IQSEC3: variants seen among roughly 807,000 people sequenced by gnomAD.
IQSEC3 encodes IQ motif and Sec7 domain ArfGEF 3, also known as IQ motif and SEC7 domain-containing protein 3.
A neutral mutation model predicts 105.4 loss-of-function variants in IQSEC3; 50 were observed. The observed-to-expected ratio is 0.47, with a 90% confidence interval of 0.38 to 0.60. The LOEUF is 0.60. Ranked by LOEUF, IQSEC3 falls within the 20% of genes least tolerant of loss-of-function variation. The pLI is 0.00. For synonymous variants in IQSEC3, 708 were observed against 746.0 expected (o/e 0.95, Z 0.83); for missense variants, 1,415 against 1,630.0 (o/e 0.87, Z 2.27).
intron 1 of IQSEC3, among the ~76,000 whole-genome samples, chr12:85,888 T>C (rs1863901228): frequency 2.6e-5 from 4 of 152,226 alleles, no homozygotes; most frequent in Non-Finnish European, 5.9e-5. Context: ...TTTCCAGGCA[T>C]GTGCATGTTT....
At chr12:73,111 GA>G (rs1863390744) in intron 1 of IQSEC3, among the ~76,000 whole-genome samples, 1 of 151,404 alleles carries the variant, frequency 6.6e-6, no homozygotes, top group Non-Finnish European at 1.5e-5. Flanking sequence ...AGGGAATCAG[GA>G]GTAAGGCAAG....
intron 1 of IQSEC3, among the ~76,000 whole-genome samples, chr12:75,637 G>A (rs1555068817): frequency 6.6e-6 from 1 of 152,260 alleles, no homozygotes. Context: ...GCAGGCAGCA[G>A]AGGTTGGTGT....
chr12:124,640 G>A (rs1865325950), intron 2 of IQSEC3, among the ~76,000 whole-genome samples: 1 of 152,204 alleles, frequency 6.6e-6, no homozygotes, highest in Non-Finnish European at 1.5e-5. Flanking sequence ...CCTCCTCTGG[G>A]AAATAGACAG....
At chr12:150,436 G>T (rs1388151540) in intron 5 of IQSEC3, among the ~76,000 whole-genome samples, 4 of 152,216 alleles carry the variant, frequency 2.6e-5, no homozygotes, top group Non-Finnish European at 5.9e-5. Flanking sequence ...CTAGCATGGG[G>T]GCAGCCACCT....
intron 9 of IQSEC3, among the ~76,000 whole-genome samples, chr12:164,338 C>T (rs530419949): frequency 1.3e-5 from 2 of 152,094 alleles, no homozygotes; most frequent in Non-Finnish European, 2.9e-5. Flanking sequence ...AGCCTCCACA[C>T]GGCTCTCCCC....
intron 12 of IQSEC3, 27 bp from the exon 13 acceptor site, chr12:171,085 T>C (rs1555100085): frequency 1.2e-6 from 2 of 1,612,908 alleles, no homozygotes; most frequent in Non-Finnish European, 8.5e-7. Context: ...CGGTGGAGAA[T>C]GAGCCCTGTG....
intron 1 of IQSEC3, among the ~76,000 whole-genome samples, chr12:88,047 G>A (rs1454815188): frequency 9.2e-5 from 14 of 152,210 alleles, no homozygotes; most frequent in African/African-American, 3.4e-4. Flanking sequence ...AGCATGACTG[G>A]ACACGGCAGA....
At chr12:131,635 T>C (rs1162581876) in intron 3 of IQSEC3, among the ~76,000 whole-genome samples, 1 of 152,218 alleles carries the variant, frequency 6.6e-6, no homozygotes, top group African/African-American at 2.4e-5. Flanking sequence ...CAGCCACAGG[T>C]CTGGCACAGC....
At position 138,895 on chromosome 12, in the gene IQSEC3, T is replaced by G. The variant is rs532113146; in HGVS notation, c.1532T>G (p.Leu511Arg). 270 of 1,609,682 alleles carry G rather than the reference T, an allele frequency of 1.7e-4. 1 individual carries two copies. The East Asian group carries it at 5.9e-3, about 35-fold the overall frequency. ...SSTALSVANC[L>R]GAQTVQAPAE... Reference sequence around the variant, plus strand: ...ACGGCTCTGTCGGTGGCCAACTGCCTGGGCGCTCAGACGGTCCAGGCCCCC... The same window carrying G: ...ACGGCTCTGTCGGTGGCCAACTGCCGGGGCGCTCAGACGGTCCAGGCCCCC... The change falls in exon 4 of 14, where the codon CTG becomes CGG. Residue 511 changes from leucine (L) to arginine (R), a missense_variant. Coordinates refer to ENST00000538872, the MANE Select transcript of IQSEC3 (RefSeq NM_001170738.2). This position sits in a 1 kb window ranked among gnomAD's most constrained non-coding sequence, Gnocchi z 7.1.
chr12:96,517 A>C (rs906206364), intron 1 of IQSEC3, among the ~76,000 whole-genome samples: 6 of 152,214 alleles, frequency 3.9e-5, no homozygotes, highest in African/African-American at 9.6e-5. Context: ...TCTGAAACAT[A>C]TTTGCAGGGC....
chr12:164,504 C>T (rs1301760982), intron 9 of IQSEC3, among the ~76,000 whole-genome samples: 3 of 152,212 alleles, frequency 2.0e-5, no homozygotes, highest in African/African-American at 7.2e-5. Context: ...TTGCAAAGCT[C>T]CTCCAGACCT....
At chr12:137,891 T>C (rs782567648) in intron 3 of IQSEC3, among the ~76,000 whole-genome samples, 1 of 151,820 alleles carries the variant, frequency 6.6e-6, no homozygotes, top group African/African-American at 2.4e-5. Flanking sequence ...CGCAAACTCC[T>C]GAGCTCAAGC....
chr12:131,069 C>T (rs1041208532), intron 3 of IQSEC3, among the ~76,000 whole-genome samples: 2 of 150,546 alleles, frequency 1.3e-5, no homozygotes, highest in Non-Finnish European at 3.0e-5. Context: ...CCCCAGCTAG[C>T]GGCTCTTCCT....
At chr12:159,961 G>T (rs1295131701) in intron 7 of IQSEC3, among the ~76,000 whole-genome samples, 1 of 152,180 alleles carries the variant, frequency 6.6e-6, no homozygotes, top group South Asian at 2.1e-4. Context: ...CCTCAGTGCC[G>T]TCTTTTGTGT....
rs980310987 is a variant in IQSEC3, at chr12:141,287, T to C, written c.2153+2T>C. On this transcript the variant is annotated splice_donor_variant, in intron 5 of 13. Transcript: ENST00000538872. LOFTEE classifies it high-confidence loss of function. ...GCAGTTCAACCGCGACGTGCTGGAG[T>C]GAGTACCCCACACTCCGGGCTTTCC... The C allele has an allele frequency of 2.5e-6, 4 of 1,610,978 alleles. No individual in the cohort carries two copies. Among genetic ancestry groups the C allele is most frequent in the Non-Finnish European group, 3.4e-6 (4 of 1,177,816 alleles).
At chr12:113,774 G>A (rs1360256415) in intron 2 of IQSEC3, among the ~76,000 whole-genome samples, 3 of 152,340 alleles carry the variant, frequency 2.0e-5, no homozygotes, top group African/African-American at 4.8e-5. Context: ...TAAAAATAGC[G>A]AAGGTCCCTT....
chr12:118,502 T>A (rs1865119617), intron 2 of IQSEC3, among the ~76,000 whole-genome samples: 1 of 152,124 alleles, frequency 6.6e-6, no homozygotes, highest in Non-Finnish European at 1.5e-5. Context: ...GCTTTAAGAA[T>A]GGCTGGCAGA....
At chr12:80,070 G>T (rs1863693343) in intron 1 of IQSEC3, among the ~76,000 whole-genome samples, 1 of 152,140 alleles carries the variant, frequency 6.6e-6, no homozygotes, top group Admixed American at 6.5e-5. Context: ...TCTGCTGTCT[G>T]CTGAGAGTTT....
chr12:178,106 AGCCT>A lies in IQSEC3; in HGVS notation c.*3089_*3092del, dbSNP rs3063760. On this transcript the variant is annotated 3_prime_UTR_variant, in exon 14 of 14. Coordinates refer to ENST00000538872, the MANE Select transcript of IQSEC3 (RefSeq NM_001170738.2). Reference sequence around the variant, plus strand: ...AGCTCTACCAGCAGCGTGTCCTGGAAGCCTGCCTGCCTGCCTGCCCGTCTGCACA... The same window carrying A: ...AGCTCTACCAGCAGCGTGTCCTGGAAGCCTGCCTGCCTGCCCGTCTGCACA... 50,648 of 151,568 alleles carry A rather than the reference AGCCT, an allele frequency of 0.33. 9,378 individuals are homozygous for A. Among genetic ancestry groups the A allele is most frequent in the African/African-American group, 0.5 (20,741 of 41,212 alleles). 9.4% of individuals were successfully genotyped at this position (151,568 alleles called of 1,614,324 possible). A position where few individuals can be genotyped will look rare whatever the true frequency, so the allele number is the denominator to read the frequency against.
Sources: gnomAD v4.1 joint callset for allele counts (sites outside exome capture counted in the v4.1 genomes callset) on GRCh38, gnomAD v4.1.1 for gene constraint, Gnocchi (gnomAD v3.1) non-coding constraint, MANE v1.5 for transcripts, NCBI Gene and HGNC (gene_info 2026-07-23, HGNC 2026-07-21) for gene names.